The following ADARB2 variants were observed in gnomAD, a reference collection of about 807,000 sequenced individuals.
ADARB2 encodes the protein inactive double-stranded RNA-specific editase B2.
In ADARB2, 25 loss-of-function variants were observed where a neutral mutation model predicts 62.2. The observed-to-expected ratio is 0.40, with a 90% CI of 0.29 to 0.56. ADARB2 has a LOEUF of 0.56. ADARB2 is among the 20% of genes least tolerant of loss of function. The probability of loss-of-function intolerance (pLI) is 0.43; values close to 1 mark genes in which losing one functional copy is unlikely to be tolerated. For synonymous variants in ADARB2, 572 were observed against 500.8 expected (o/e 1.14, Z -1.90); for missense variants, 1,071 against 1,077.4 (o/e 0.99, Z 0.08).
At chr10:1,395,764 G>T (rs1476563794) in intron 1 of ADARB2, among the ~76,000 whole-genome samples, 1 of 152,212 alleles carries the variant, frequency 6.6e-6, no homozygotes, top group Non-Finnish European at 1.5e-5. Flanking sequence ...GTGCAGCAGG[G>T]TGGGGGGCTG....
chr10:1,523,572 A>C (rs1243482345), intron 1 of ADARB2, among the ~76,000 whole-genome samples: 1 of 152,218 alleles, frequency 6.6e-6, no homozygotes, highest in Non-Finnish European at 1.5e-5. Flanking sequence ...TTTGACCATG[A>C]GCCTGTTCCA....
At chr10:1,608,313 G>C (rs189513452) in intron 1 of ADARB2, among the ~76,000 whole-genome samples, 28 of 152,256 alleles carry the variant, frequency 1.8e-4, no homozygotes, top group African/African-American at 5.8e-4. Flanking sequence ...TCATGGAGAC[G>C]CAGCGTGCCT....
chr10:1,714,979 T>A (rs1020199170), intron 1 of ADARB2, among the ~76,000 whole-genome samples: 2 of 151,578 alleles, frequency 1.3e-5, no homozygotes, highest in African/African-American at 2.4e-5. Flanking sequence ...ATTAGGTATA[T>A]CTCCTAATGC....
At chr10:1,633,964 G>C (rs966191795) in intron 1 of ADARB2, among the ~76,000 whole-genome samples, 1 of 152,172 alleles carries the variant, frequency 6.6e-6, no homozygotes, top group African/African-American at 2.4e-5. Flanking sequence ...GCCCCATGGA[G>C]CTCCTTGCCA....
rs186415933 is a variant in ADARB2 at position 1,206,107 on chromosome 10, C to T, written c.1683-5960G>A. Among the ~76,000 whole-genome samples, 79 of 152,370 alleles carry T rather than the reference C, an allele frequency of 5.2e-4. No homozygotes were observed. In the East Asian group the frequency reaches 5.6e-3, roughly 11 times the overall value. On this transcript the variant is annotated intron_variant, in intron 7 of 9. Transcript: ENST00000381312. ...CTTCCAGGCCACACATATCTCATTT[C>T]TCTTCTGAAAAACCCGTCTCAAAAA...
intron 4 of ADARB2, among the ~76,000 whole-genome samples, chr10:1,257,575 G>T (rs1049568594): frequency 6.6e-6 from 1 of 152,318 alleles, no homozygotes; most frequent in Admixed American, 6.5e-5. Context: ...GGTCCAGAGC[G>T]CTGTGCATGA....
chr10:1,544,001 AAAAAAAAAAAAACAAAC>A (rs1337451473), intron 1 of ADARB2, among the ~76,000 whole-genome samples: 12 of 27,534 alleles, frequency 4.4e-4, no homozygotes, highest in Admixed American at 1.2e-3. Flanking sequence ...AGGTGACCAA[AAAAAAAAAAAAACAAAC>A]AAAAAAAAAA....
intron 1 of ADARB2, among the ~76,000 whole-genome samples, chr10:1,532,690 G>A (rs1175333529): frequency 5.3e-5 from 8 of 152,186 alleles, no homozygotes; most frequent in Admixed American, 4.6e-4. Context: ...AGTGCCAGCC[G>A]TGATGATCAG....
At chr10:1,228,617 A>G (rs1340926316) in intron 6 of ADARB2, among the ~76,000 whole-genome samples, 1 of 152,356 alleles carries the variant, frequency 6.6e-6, no homozygotes, top group East Asian at 1.9e-4. Context: ...TCCAGGGGAA[A>G]GCCACAGATG....
chr10:1,498,703 C>T (rs576261255), intron 1 of ADARB2, among the ~76,000 whole-genome samples: 4 of 152,248 alleles, frequency 2.6e-5, no homozygotes, highest in African/African-American at 4.8e-5. Context: ...GAATGAAAGA[C>T]GTAAAACACA....
chr10:1,194,554 T>A (rs1564216434), intron 8 of ADARB2, among the ~76,000 whole-genome samples: 2 of 152,098 alleles, frequency 1.3e-5, no homozygotes, highest in African/African-American at 2.4e-5. Context: ...TCTGTCAGTC[T>A]ATCATCTATC....
intron 1 of ADARB2, among the ~76,000 whole-genome samples, chr10:1,619,740 A>G (rs1833685638): frequency 6.6e-6 from 1 of 152,314 alleles, no homozygotes; most frequent in South Asian, 2.1e-4. Context: ...ATGAGCCACC[A>G]TTCCCTGCCC....
intron 1 of ADARB2, among the ~76,000 whole-genome samples, chr10:1,585,401 C>T (rs1315718890): frequency 6.6e-6 from 1 of 152,190 alleles, no homozygotes; most frequent in Non-Finnish European, 1.5e-5. Context: ...AAAAAAGCTA[C>T]ATGCTTCCCT....
Position 1,701,789 on chromosome 10 carries a change from G to A in ADARB2, c.100+35262C>T, listed in dbSNP as rs868177965. On this transcript the variant is annotated intron_variant, in intron 1 of 9. Transcript: ENST00000381312. ...TCAATACACGCAATCCCACTCCACC[G>A]GGAGACCGGGCACTCGCCAATACAC... is the stretch of plus-strand genomic sequence containing the variant. Among the ~76,000 whole-genome samples, 252 of 137,854 alleles carry A rather than the reference G, an allele frequency of 1.8e-3. 11 individuals are homozygous for A. Among genetic ancestry groups the A allele is most frequent in the African/African-American group, 6.5e-3 (239 of 36,968 alleles). The allele number at this position is 137,854 out of a possible 152,430, so 90.4% of individuals were successfully genotyped here. A position where few individuals can be genotyped will look rare whatever the true frequency, so the allele number is the denominator to read the frequency against.
At chr10:1,226,116 T>G (rs1830743022) in intron 6 of ADARB2, among the ~76,000 whole-genome samples, 1 of 152,332 alleles carries the variant, frequency 6.6e-6, no homozygotes, top group South Asian at 2.1e-4. Context: ...TTTCTTTTTA[T>G]TCTTTTTTCT....
At chr10:1,532,477 C>T (rs1268134716) in intron 1 of ADARB2, among the ~76,000 whole-genome samples, 1 of 152,170 alleles carries the variant, frequency 6.6e-6, no homozygotes, top group African/African-American at 2.4e-5. Context: ...TGGCCCGTCC[C>T]TGTGTCCTTC....
chr10:1,395,545 C>T (rs1832604365), intron 1 of ADARB2, among the ~76,000 whole-genome samples: 1 of 152,348 alleles, frequency 6.6e-6, no homozygotes, highest in Non-Finnish European at 1.5e-5. Context: ...CCAGGCACTT[C>T]TCCCCAGCGG....
intron 1 of ADARB2, among the ~76,000 whole-genome samples, chr10:1,405,115 G>A (rs1189102021): frequency 6.6e-6 from 1 of 152,208 alleles, no homozygotes; most frequent in Non-Finnish European, 1.5e-5. Context: ...AAACCACAGA[G>A]GTAACGGGGC....
At chr10:1,495,594 A>G in intron 1 of ADARB2, among the ~76,000 whole-genome samples, 1 of 125,966 alleles carries the variant, frequency 7.9e-6, no homozygotes, top group Non-Finnish European at 1.9e-5. Context: ...TTAAGGTGGT[A>G]AGCTTTAGAG....
Sources: gnomAD v4.1 joint callset for allele counts (sites outside exome capture counted in the v4.1 genomes callset) on GRCh38, gnomAD v4.1.1 for gene constraint, MANE v1.5 for transcripts, NCBI Gene and HGNC (gene_info 2026-07-23, HGNC 2026-07-21) for gene names.